The following DTNA variants were observed in gnomAD, a reference collection of about 807,000 sequenced individuals.
DTNA encodes dystrophin-related protein 3.
DTNA carries 43 observed loss-of-function variants against 100.7 expected under a neutral mutation model. The ratio of observed to expected loss-of-function variants is 0.43; its 90% CI spans 0.33 to 0.55. The LOEUF (loss-of-function observed/expected upper bound fraction) is 0.55. DTNA is among the 20% of genes least tolerant of loss of function. The pLI is 0.04. For missense variants in DTNA, 798 were observed against 953.9 expected, an observed-to-expected ratio of 0.84 and a Z score of 2.15; for synonymous variants, 349 against 347.9, an observed-to-expected ratio of 1.00 and a Z score of -0.04.
chr18:34,573,163 A>G (rs766765075), intron 1 of DTNA, among the ~76,000 whole-genome samples: 1 of 152,180 alleles, frequency 6.6e-6, no homozygotes, highest in Non-Finnish European at 1.5e-5. Flanking sequence ...TTTAGCTTCT[A>G]TATTTCTGCT....
chr18:34,715,114 G>A lies in DTNA; in HGVS notation c.-2+4669G>A, dbSNP rs951361783. Among the ~76,000 whole-genome samples, 19 of 151,362 alleles carry A rather than the reference G, an allele frequency of 1.3e-4. No individual in the cohort carries two copies. In the East Asian group the frequency reaches 3.3e-3, roughly 27 times the overall value. On this transcript the variant is annotated intron_variant, in intron 1 of 22. Coordinates refer to ENST00000444659, the MANE Select transcript of DTNA (RefSeq NM_001386795.1). ...GGAGATATACCTAATGCTAGATGAC[G>A]AGTTAGTGGGTGCAGCACACCAGCA...
chr18:34,730,838 C>A (rs1393949537), intron 1 of DTNA, among the ~76,000 whole-genome samples: 1 of 152,194 alleles, frequency 6.6e-6, no homozygotes, highest in East Asian at 1.9e-4. Context: ...CACCAAAGAG[C>A]TCACTCATGT....
chr18:34,755,162 G>A (rs934578356), intron 1 of DTNA, among the ~76,000 whole-genome samples: 4 of 152,150 alleles, frequency 2.6e-5, no homozygotes, highest in Admixed American at 1.3e-4. Flanking sequence ...AGTCAAATCC[G>A]TCAGCCTCTA....
At chr18:34,818,407 T>A (rs2095640760) in intron 8 of DTNA, 77 bp downstream of exon 8, 1 of 1,569,264 alleles carries the variant, frequency 6.4e-7, no homozygotes, top group African/African-American at 1.4e-5. Context: ...TCAAGGATGG[T>A]GGCAGAATTA....
intron 1 of DTNA, among the ~76,000 whole-genome samples, chr18:34,599,686 CTTG>C (rs1253443387): frequency 9.9e-5 from 15 of 152,048 alleles, no homozygotes; most frequent in African/African-American, 3.6e-4. Flanking sequence ...GTTTTGTTTT[CTTG>C]TTGTTTCTTT....
chr18:34,628,250 A>G (rs905529754), intron 1 of DTNA, among the ~76,000 whole-genome samples: 2 of 152,248 alleles, frequency 1.3e-5, no homozygotes, highest in South Asian at 2.1e-4. Flanking sequence ...ACCAACGTCT[A>G]TAACTCATCT....
chr18:34,623,355 C>T (rs1043208989), intron 1 of DTNA, among the ~76,000 whole-genome samples: 5 of 152,236 alleles, frequency 3.3e-5, no homozygotes, highest in Admixed American at 3.3e-4. Context: ...TTCATTCATA[C>T]TGTAGATTTT....
chr18:34,778,946 T>C (rs2094189254), intron 3 of DTNA, among the ~76,000 whole-genome samples: 1 of 151,750 alleles, frequency 6.6e-6, no homozygotes, highest in Admixed American at 6.6e-5. Flanking sequence ...GCCTCCCAAG[T>C]AGCTGGGACT....
rs985236672 is a variant in DTNA at position 34,866,007 on chromosome 18, A to G, written c.1743+1945A>G. 7 of 1,313,484 alleles carry G rather than the reference A, an allele frequency of 5.3e-6. No homozygotes were observed. The African/African-American group carries it at 5.8e-5, about 11-fold the overall frequency. 81.4% of individuals were successfully genotyped at this position (1,313,484 alleles called of 1,614,324 possible). ...GTGGCAGAGGCCTGGACCTGCCGTCAAAGGTGTGTTGATGTTTCCCCATCT... is the reference window on the plus strand; with the variant it reads ...GTGGCAGAGGCCTGGACCTGCCGTCGAAGGTGTGTTGATGTTTCCCCATCT... On this transcript the variant is annotated intron_variant, in intron 17 of 22. Coordinates refer to ENST00000444659, the MANE Select transcript of DTNA (RefSeq NM_001386795.1).
chr18:34,887,656 T>TGC (rs1338605581), intron 22 of DTNA, 110 bp from the exon 23 acceptor site: 23 of 750,882 alleles, frequency 3.1e-5, no homozygotes, highest in South Asian at 1.8e-4. Context: ...TGTGTGTGTG[T>TGC]GCGCGCGCAC....
intron 1 of DTNA, among the ~76,000 whole-genome samples, chr18:34,499,063 G>A (rs912959831): frequency 6.6e-6 from 1 of 152,140 alleles, no homozygotes; most frequent in Admixed American, 6.5e-5. Context: ...TTGATACAGT[G>A]ATGAACAAAT....
intron 3 of DTNA, among the ~76,000 whole-genome samples, chr18:34,775,688 A>G (rs2094010080): frequency 6.6e-6 from 1 of 152,208 alleles, no homozygotes; most frequent in Non-Finnish European, 1.5e-5. Context: ...CCTCAGTCCT[A>G]TGGTCACAAG....
intron 1 of DTNA, among the ~76,000 whole-genome samples, chr18:34,551,559 A>C (rs1424296852): frequency 2.6e-5 from 4 of 152,116 alleles, no homozygotes; most frequent in African/African-American, 9.7e-5. Flanking sequence ...TATAAGGTGA[A>C]AAGAAAACCC....
At chr18:34,842,006 G>A (rs189543539) in intron 13 of DTNA, among the ~76,000 whole-genome samples, 5 of 152,260 alleles carry the variant, frequency 3.3e-5, no homozygotes, top group Admixed American at 3.3e-4. Context: ...CTAATTCAAT[G>A]AAGTTTTAAA....
chr18:34,605,240 G>C (rs556913003), intron 1 of DTNA, among the ~76,000 whole-genome samples: 2 of 151,958 alleles, frequency 1.3e-5, no homozygotes. Flanking sequence ...GGTGGTCTTT[G>C]AGGGTTTAGA....
chr18:34,736,298 T>C (rs2089573939), intron 1 of DTNA, among the ~76,000 whole-genome samples: 1 of 152,236 alleles, frequency 6.6e-6, no homozygotes, highest in Non-Finnish European at 1.5e-5. Flanking sequence ...TTTCCATTTT[T>C]TAGAGATTTC....
At chr18:34,494,741 A>T (rs1367045994) in intron 1 of DTNA, among the ~76,000 whole-genome samples, 1 of 152,100 alleles carries the variant, frequency 6.6e-6, no homozygotes, top group African/African-American at 2.4e-5. Context: ...ATTTATTCTT[A>T]TTCTAAAAAA....
In DTNA at chr18:34,853,019, T is replaced by C. The variant is rs371996563; in HGVS notation, c.1532+1091T>C. On this transcript the variant is annotated intron_variant, in intron 15 of 22. Transcript: ENST00000444659. ...ACAGAGGCCATGGCTAAATGGTCCCTGGAGCCCAGAACCAGGCCTGGCAAT... is the reference window on the plus strand; with the variant it reads ...ACAGAGGCCATGGCTAAATGGTCCCCGGAGCCCAGAACCAGGCCTGGCAAT... 3.5e-3 allele frequency among the ~76,000 whole-genome samples: 529 copies of C among 152,332 alleles called. 6 individuals carry two copies. Among genetic ancestry groups the C allele is most frequent in the African/African-American group, 0.012 (508 of 41,574 alleles).
chr18:34,733,039 A>G (rs1319717234), intron 1 of DTNA, among the ~76,000 whole-genome samples: 11 of 152,308 alleles, frequency 7.2e-5, no homozygotes, highest in Non-Finnish European at 1.3e-4. Context: ...CCTGCAATCA[A>G]TGTCAGCTCA....
Sources: allele counts gnomAD v4.1 joint callset (sites outside exome capture counted in the v4.1 genomes callset), GRCh38; gene constraint gnomAD v4.1.1; transcripts MANE v1.5; gene names NCBI Gene and HGNC (gene_info 2026-07-23, HGNC 2026-07-21).